Variants in HDAC9 observed in about 807,000 individuals in gnomAD.
HDAC9 encodes MEF-2 interacting transcription repressor (MITR) protein.
HDAC9 carries 41 observed loss-of-function variants against 139.4 expected under a neutral mutation model. That is an observed-to-expected ratio of 0.29 (90% CI 0.23 to 0.38). HDAC9 has a LOEUF of 0.38. Among genes scored for constraint, HDAC9 ranks in the 10% least tolerant of loss-of-function variants. The probability of loss-of-function intolerance (pLI) is 1.00; values close to 1 mark genes in which losing one functional copy is unlikely to be tolerated. For synonymous variants in HDAC9, 517 were observed against 476.2 expected (o/e 1.09, Z -1.12); for missense variants, 1,147 against 1,297.0 (o/e 0.88, Z 1.78).
intron 1 of HDAC9, among the ~76,000 whole-genome samples, chr7:18,430,325 G>A (rs936963320): frequency 1.5e-4 from 23 of 152,168 alleles, no homozygotes; most frequent in Non-Finnish European, 1.3e-4. Context: ...CTGGGCCGAA[G>A]TGATCCTCCC....
chr7:18,581,787 CA>C (rs1827908553), intron 2 of HDAC9, among the ~76,000 whole-genome samples: 1 of 152,286 alleles, frequency 6.6e-6, no homozygotes, highest in Non-Finnish European at 1.5e-5. Flanking sequence ...AAAAGTTCTA[CA>C]TTGGGTGCTA....
chr7:18,170,586 C>G (rs1367667697), intron 2 of HDAC9, among the ~76,000 whole-genome samples: 1 of 152,044 alleles, frequency 6.6e-6, no homozygotes, highest in African/African-American at 2.4e-5. Flanking sequence ...TTAGGTCTAA[C>G]ATTTAAGTCT....
intron 1 of HDAC9, among the ~76,000 whole-genome samples, chr7:18,156,518 A>G (rs1202660915): frequency 1.3e-5 from 2 of 152,148 alleles, no homozygotes; most frequent in Non-Finnish European, 2.9e-5. Flanking sequence ...AAGTTGCATA[A>G]CTACAGAATC....
At chr7:18,319,136 C>T (rs1330364725) in intron 1 of HDAC9, among the ~76,000 whole-genome samples, 2 of 152,172 alleles carry the variant, frequency 1.3e-5, no homozygotes, top group East Asian at 1.9e-4. Context: ...ATCTTAAAAA[C>T]GCCATGATGG....
intron 12 of HDAC9, among the ~76,000 whole-genome samples, chr7:18,692,006 A>C (rs1344882748): frequency 6.6e-6 from 1 of 152,214 alleles, no homozygotes; most frequent in South Asian, 2.1e-4. Context: ...ACAAGTCTCA[A>C]GTTCCTCATC....
At chr7:18,361,063 TGAGAATTATAAGAAA>T (rs1783738056) in intron 1 of HDAC9, among the ~76,000 whole-genome samples, 1 of 152,218 alleles carries the variant, frequency 6.6e-6, no homozygotes, top group African/African-American at 2.4e-5. Context: ...TCTCCTCTTC[TGAGAATTATAAGAAA>T]GTGCTTTAGC....
intron 1 of HDAC9, among the ~76,000 whole-genome samples, chr7:18,460,198 T>C: frequency 6.6e-6 from 1 of 152,080 alleles, no homozygotes; most frequent in East Asian, 1.9e-4. Context: ...TGTTTGCTTC[T>C]AATAATCATA....
chr7:18,440,484 C>T (rs540493058), intron 1 of HDAC9, among the ~76,000 whole-genome samples: 3 of 152,162 alleles, frequency 2.0e-5, no homozygotes, highest in East Asian at 3.9e-4. Flanking sequence ...CAGGCCCGGC[C>T]GGTTTACTTC....
chr7:18,817,971 A>T (rs886501503), intron 17 of HDAC9, among the ~76,000 whole-genome samples: 11 of 152,332 alleles, frequency 7.2e-5, no homozygotes, highest in African/African-American at 2.4e-4. Context: ...TCTTAAAGTC[A>T]TTTTCAAAAT....
intron 1 of HDAC9, among the ~76,000 whole-genome samples, chr7:18,122,819 A>G (rs967254528): frequency 2.0e-5 from 3 of 152,098 alleles, no homozygotes; most frequent in African/African-American, 7.2e-5. Context: ...GGGTTTCACC[A>G]TGTTGGCCAG....
chr7:18,891,609 T>G (rs1382647665), intron 22 of HDAC9, among the ~76,000 whole-genome samples: 1 of 152,208 alleles, frequency 6.6e-6, no homozygotes, highest in Non-Finnish European at 1.5e-5. Flanking sequence ...GTCTGGCTTC[T>G]TAGTCTTTCC....
intron 1 of HDAC9, among the ~76,000 whole-genome samples, chr7:18,108,970 C>T (rs189451363): frequency 2.0e-5 from 3 of 152,248 alleles, no homozygotes; most frequent in Admixed American, 2.0e-4. Context: ...TTGTTTTCTT[C>T]TTAGGCCATG....
At position 18,767,170 on chromosome 7, in the gene HDAC9, G is replaced by A; in HGVS notation, c.2214+15G>A. On this transcript the variant is annotated intron_variant, in intron 16 of 25. Coordinates refer to ENST00000686413, the MANE Select transcript of HDAC9 (RefSeq NM_178425.4). ...GTGGACTTGGGGTAAGTACAAGTTG[G>A]TTTACTGCCTTTAAATAACATAAAA... 2.0e-6 allele frequency: 3 copies of A among 1,505,522 alleles called. No individual in the cohort carries two copies. Among genetic ancestry groups the A allele is most frequent in the South Asian group, 1.3e-5 (1 of 79,844 alleles). The allele number at this position is 1,505,522 out of a possible 1,614,324, so 93.3% of individuals were successfully genotyped here. A position where few individuals can be genotyped will look rare whatever the true frequency, so the allele number is the denominator to read the frequency against.
intron 13 of HDAC9, among the ~76,000 whole-genome samples, chr7:18,744,835 T>G (rs1787794325): frequency 6.6e-6 from 1 of 152,018 alleles, no homozygotes; most frequent in Admixed American, 6.5e-5. Context: ...ATCAAGAAAT[T>G]TTAAGGATTT....
chr7:18,123,483 A>G (rs1198553778), intron 1 of HDAC9, among the ~76,000 whole-genome samples: 1 of 152,162 alleles, frequency 6.6e-6, no homozygotes, highest in East Asian at 1.9e-4. Context: ...ATATCGTACA[A>G]TTTCTGCTCT....
intron 17 of HDAC9, among the ~76,000 whole-genome samples, chr7:18,828,060 T>C (rs1037394002): frequency 2.0e-5 from 3 of 152,170 alleles, no homozygotes; most frequent in African/African-American, 7.2e-5. Flanking sequence ...TTATTATATA[T>C]ATTCAACAAA....
intron 23 of HDAC9, among the ~76,000 whole-genome samples, chr7:18,944,483 C>T (rs1782235688): frequency 6.6e-6 from 1 of 152,144 alleles, no homozygotes; most frequent in African/African-American, 2.4e-5. Context: ...AAGATCTAGA[C>T]TTTGTTTCCC....
At chr7:18,174,452 C>T (rs1180029272) in intron 2 of HDAC9, among the ~76,000 whole-genome samples, 3 of 152,236 alleles carry the variant, frequency 2.0e-5, no homozygotes, top group Admixed American at 6.5e-5. Context: ...CTGCTTCTGT[C>T]AGCTCATCAA....
intron 6 of HDAC9, among the ~76,000 whole-genome samples, chr7:18,601,668 G>C (rs10273908): frequency 0.024 from 3,659 of 152,192 alleles, 149 homozygotes; most frequent in African/African-American, 0.084. Context: ...AATTTTCTGA[G>C]AGTCCTCACA....
Sources: gnomAD v4.1 joint callset for allele counts (sites outside exome capture counted in the v4.1 genomes callset) on GRCh38, gnomAD v4.1.1 for gene constraint, MANE v1.5 for transcripts, NCBI Gene and HGNC (gene_info 2026-07-23, HGNC 2026-07-21) for gene names.